IL1RAPL1: variants seen among roughly 807,000 people sequenced by gnomAD.
The protein encoded by IL1RAPL1 is interleukin-1 receptor accessory protein-like 1.
IL1RAPL1 carries 3 observed loss-of-function variants against 48.4 expected under a neutral mutation model. That is an observed-to-expected ratio of 0.06 (90% CI 0.03 to 0.16). IL1RAPL1 has a LOEUF of 0.16. Among genes scored for constraint, IL1RAPL1 ranks in the 10% least tolerant of loss-of-function variants. The pLI is 1.00. For missense variants in IL1RAPL1, 349 were observed against 530.6 expected, an observed-to-expected ratio of 0.66 and a Z score of 3.36; for synonymous variants, 185 against 187.7, an observed-to-expected ratio of 0.99 and a Z score of 0.12.
At chrX:29,941,916 T>G (rs1172608980) in intron 9 of IL1RAPL1, 122 bp downstream of exon 9, 1 of 593,072 alleles carries the variant, frequency 1.7e-6, no homozygotes, top group East Asian at 3.6e-5. Flanking sequence ...ATTCTTTCAG[T>G]GCTCAGTTTG....
chrX:28,589,297 T>C (rs930878640), intron 1 of IL1RAPL1, among the ~76,000 whole-genome samples: 1 of 111,190 alleles, frequency 9.0e-6, no homozygotes, highest in African/African-American at 3.3e-5. Context: ...GATAGTGAGA[T>C]GAGATGATTG....
intron 6 of IL1RAPL1, among the ~76,000 whole-genome samples, chrX:29,679,060 G>T (rs1452783822): frequency 9.0e-6 from 1 of 111,331 alleles, no homozygotes; most frequent in Non-Finnish European, 1.9e-5. Context: ...ATAGAATGGC[G>T]GCTCTTTGAG....
chrX:29,141,851 A>G (rs760590318), intron 2 of IL1RAPL1, among the ~76,000 whole-genome samples: 1 of 112,255 alleles, frequency 8.9e-6, no homozygotes, highest in Non-Finnish European at 1.9e-5. Context: ...TCAATATCAA[A>G]TATGCATGCT....
chrX:29,711,707 A>G (rs1051874383), intron 6 of IL1RAPL1, among the ~76,000 whole-genome samples: 5 of 111,323 alleles, frequency 4.5e-5, no homozygotes, highest in Admixed American at 9.6e-5. Flanking sequence ...CCCCCAGTGT[A>G]AAAGTTAGGA....
In IL1RAPL1 at chrX:29,410,158, C is replaced by T. The variant is rs769259714; in HGVS notation, c.703+10850C>T. On this transcript the variant is annotated intron_variant, in intron 5 of 10. Transcript: ENST00000378993. ...CTTCCACATAACCTCAACTTACTCA[C>T]CCTTAAAAATTTTTCCAGTGCTCGC... 2.7e-5 allele frequency among the ~76,000 whole-genome samples: 3 copies of T among 109,976 alleles called. No homozygotes were observed. The East Asian group carries it at 8.8e-4, about 32-fold the overall frequency.
chrX:28,706,665 T>A (rs756270170), intron 1 of IL1RAPL1, among the ~76,000 whole-genome samples: 1 of 111,636 alleles, frequency 9.0e-6, no homozygotes, highest in East Asian at 2.8e-4. Context: ...CCACCCACCT[T>A]GGCCTCTGAA....
intron 1 of IL1RAPL1, among the ~76,000 whole-genome samples, chrX:28,784,912 C>T (rs901722297): frequency 1.2e-4 from 13 of 111,700 alleles, no homozygotes; most frequent in Non-Finnish European, 1.9e-4. Context: ...ATCCAGAATT[C>T]CCCAGTTAAT....
At chrX:28,643,538 T>C (rs1934572689) in intron 1 of IL1RAPL1, among the ~76,000 whole-genome samples, 1 of 111,117 alleles carries the variant, frequency 9.0e-6, no homozygotes, top group African/African-American at 3.3e-5. Context: ...GAAGAATGGT[T>C]ACCACACTAC....
At chrX:29,682,139 T>A (rs1926471379) in intron 6 of IL1RAPL1, among the ~76,000 whole-genome samples, 1 of 111,915 alleles carries the variant, frequency 8.9e-6, no homozygotes, top group Admixed American at 9.5e-5. Flanking sequence ...TGTGTGGTCT[T>A]AATTGATATT....
chrX:29,094,199 G>T (rs938993608), intron 2 of IL1RAPL1, among the ~76,000 whole-genome samples: 1 of 110,973 alleles, frequency 9.0e-6, no homozygotes, highest in Non-Finnish European at 1.9e-5. Context: ...ATTAAAACCA[G>T]TTCCAAATTT....
chrX:28,732,819 A>C (rs1935771761), intron 1 of IL1RAPL1, among the ~76,000 whole-genome samples: 1 of 111,412 alleles, frequency 9.0e-6, no homozygotes, highest in African/African-American at 3.3e-5. Context: ...CAGTGAGCCG[A>C]GTTTGCGCCA....
At chrX:29,654,921 A>G (rs1412495650) in intron 5 of IL1RAPL1, among the ~76,000 whole-genome samples, 2 of 111,938 alleles carry the variant, frequency 1.8e-5, no homozygotes, top group East Asian at 5.6e-4. Context: ...AAAATTAAAA[A>G]TAGTTTTATA....
chrX:29,101,340 A>G (rs954623962), intron 2 of IL1RAPL1, among the ~76,000 whole-genome samples: 4 of 112,029 alleles, frequency 3.6e-5, no homozygotes, highest in African/African-American at 1.3e-4. Context: ...ATAACAAGTA[A>G]TGAGATCGAA....
intron 1 of IL1RAPL1, among the ~76,000 whole-genome samples, chrX:28,613,197 G>C (rs976191083): frequency 8.9e-6 from 1 of 112,392 alleles, no homozygotes; most frequent in Non-Finnish European, 1.9e-5. Flanking sequence ...TTTAAGATTA[G>C]ACTTAAACTA....
chrX:28,696,633 A>G (rs919207449), intron 1 of IL1RAPL1, among the ~76,000 whole-genome samples: 1 of 111,673 alleles, frequency 9.0e-6, no homozygotes, highest in African/African-American at 3.2e-5. Flanking sequence ...AAAGTATCAC[A>G]TGTAGCCCCT....
chrX:29,246,071 G>A (rs1483350059), intron 2 of IL1RAPL1, among the ~76,000 whole-genome samples: 1 of 93,459 alleles, frequency 1.1e-5, no homozygotes, highest in African/African-American at 3.6e-5. Flanking sequence ...ACTTTTGGGT[G>A]TTAGTGTAAT....
rs189623926 is a variant in IL1RAPL1 at position 29,128,485 on chromosome X, G to T, written c.83-154453G>T. On this transcript the variant is annotated intron_variant, in intron 2 of 10. Transcript: ENST00000378993. The stretch of plus-strand genomic sequence containing the variant: ...CTTGCCTCCTCCCCAAGCACCTTCT[G>T]TCTCTTTGACTAGTGAAAACCCATG... Among the ~76,000 whole-genome samples the T allele has an allele frequency of 7.0e-3, 775 of 111,335 alleles. 6 individuals carry two copies. The highest frequency in any genetic ancestry group is 0.024 in the African/African-American group (732 of 30,644).
chrX:29,277,220 A>C (rs1932133901), intron 2 of IL1RAPL1, among the ~76,000 whole-genome samples: 1 of 112,007 alleles, frequency 8.9e-6, no homozygotes. Context: ...GTGTTTGCTG[A>C]AATAGCAGGG....
intron 5 of IL1RAPL1, among the ~76,000 whole-genome samples, chrX:29,650,843 A>G (rs1925495167): frequency 9.0e-6 from 1 of 111,288 alleles, no homozygotes; most frequent in South Asian, 3.7e-4. Flanking sequence ...AAAGCAGCCT[A>G]TAGAATGAAA....
Sources: allele counts gnomAD v4.1 joint callset (sites outside exome capture counted in the v4.1 genomes callset), GRCh38; gene constraint gnomAD v4.1.1; transcripts MANE v1.5; gene names NCBI Gene and HGNC (gene_info 2026-07-23, HGNC 2026-07-21).